RASGEF1C: variants seen among roughly 807,000 people sequenced by gnomAD.
RASGEF1C encodes the protein RasGEF domain family member 1C.
In RASGEF1C, 27 loss-of-function variants were observed where a neutral mutation model predicts 58.1. The observed-to-expected ratio is 0.46, with a 90% CI of 0.34 to 0.64. RASGEF1C has a LOEUF of 0.64. Ranked by LOEUF, RASGEF1C falls within the 30% of genes least tolerant of loss-of-function variation. RASGEF1C has a pLI of 0.01. For missense variants in RASGEF1C, 502 were observed against 605.1 expected (o/e 0.83, Z 1.79); for synonymous variants, 243 against 246.3 (o/e 0.99, Z 0.13).
At chr5:180,145,504 T>C (rs1221936881) in intron 1 of RASGEF1C, among the ~76,000 whole-genome samples, 1 of 152,244 alleles carries the variant, frequency 6.6e-6, no homozygotes, top group East Asian at 1.9e-4. Context: ...GTTTTCTGCT[T>C]TTTTGATAAT....
chr5:180,184,884 G>A (rs1756005308), intron 1 of RASGEF1C, among the ~76,000 whole-genome samples: 1 of 152,190 alleles, frequency 6.6e-6, no homozygotes, highest in Non-Finnish European at 1.5e-5. Flanking sequence ...TAATAACAGA[G>A]CTTCAGAATA....
At chr5:180,101,606 T>C (rs1765786133) in intron 13 of RASGEF1C, 81 bp from the exon 14 acceptor site, 3 of 1,549,912 alleles carry the variant, frequency 1.9e-6, no homozygotes, top group Non-Finnish European at 2.6e-6. Flanking sequence ...ACAGCCACTT[T>C]CTCAGTGCGC....
At chr5:180,102,275 C>A in intron 12 of RASGEF1C, 132 bp from the exon 13 acceptor site, 1 of 620,530 alleles carries the variant, frequency 1.6e-6, no homozygotes, top group South Asian at 2.0e-5. Flanking sequence ...CCATCCCTCC[C>A]CTAATACTGT....
In RASGEF1C at chr5:180,154,538, C is replaced by T. The variant is rs373080050; in HGVS notation, c.-6-16480G>A. 4.6e-5 allele frequency among the ~76,000 whole-genome samples: 7 copies of T among 151,648 alleles called. No individual in the cohort carries two copies. The East Asian group carries it at 1.2e-3, about 25-fold the overall frequency. On this transcript the variant is annotated intron_variant, in intron 1 of 13. Transcript: ENST00000361132. ...ACCCTCAAGGGTAAAGTGGGGTGGA[C>T]AAGTTACCAGCTGCTGACTGGTGGA...
At chr5:180,133,925 T>G (rs936748779) in intron 4 of RASGEF1C, among the ~76,000 whole-genome samples, 54 of 152,312 alleles carry the variant, frequency 3.5e-4, no homozygotes, top group Middle Eastern at 3.4e-3. Flanking sequence ...CTTCAGGGAC[T>G]CCCCGCTGCA....
At position 180,114,232 on chromosome 5, in the gene RASGEF1C, C is replaced by T. The variant is rs540976683; in HGVS notation, c.1179+214G>A. 9.9e-5 allele frequency among the ~76,000 whole-genome samples: 15 copies of T among 152,284 alleles called. No homozygotes were observed. The East Asian group carries it at 2.1e-3, about 22-fold the overall frequency. ...TGCTTCACCTGTGCTGGCCGTGCGG[C>T]GCAGCCTGGATGGACATGACCCTGA... On this transcript the variant is annotated intron_variant, in intron 11 of 13. Coordinates refer to ENST00000361132, the MANE Select transcript of RASGEF1C (RefSeq NM_175062.4).
chr5:180,182,483 C>A (rs571329857), intron 1 of RASGEF1C, among the ~76,000 whole-genome samples: 9 of 152,198 alleles, frequency 5.9e-5, no homozygotes, highest in Non-Finnish European at 1.0e-4. Context: ...CCGCTGTTGG[C>A]TGGGATGGCC....
intron 1 of RASGEF1C, among the ~76,000 whole-genome samples, chr5:180,141,611 G>A (rs1766580594): frequency 1.3e-5 from 2 of 152,254 alleles, no homozygotes; most frequent in South Asian, 2.1e-4. Flanking sequence ...TTTCTGGAGA[G>A]GGATGGAGGT....
At chr5:180,124,218 C>T (rs537029707) in intron 6 of RASGEF1C, among the ~76,000 whole-genome samples, 2 of 134,122 alleles carry the variant, frequency 1.5e-5, no homozygotes, top group Admixed American at 8.0e-5. Flanking sequence ...GGCGACAGAG[C>T]GAGACTCTGT....
intron 12 of RASGEF1C, among the ~76,000 whole-genome samples, chr5:180,109,412 T>C (rs549178968): frequency 3.3e-5 from 5 of 152,122 alleles, no homozygotes; most frequent in Admixed American, 6.5e-5. Flanking sequence ...GAGCCGAGAT[T>C]GCGCCACTGC....
At chr5:180,208,060 G>C (rs1306873197) in intron 1 of RASGEF1C, among the ~76,000 whole-genome samples, 2 of 152,190 alleles carry the variant, frequency 1.3e-5, no homozygotes, top group Non-Finnish European at 2.9e-5. Flanking sequence ...TGTGGCCAGT[G>C]AGTGGACAAC....
intron 1 of RASGEF1C, among the ~76,000 whole-genome samples, chr5:180,196,803 G>A (rs930291450): frequency 1.3e-5 from 2 of 152,082 alleles, no homozygotes; most frequent in Non-Finnish European, 2.9e-5. Context: ...TTTGAAACAG[G>A]TATTTCTCTG....
Position 180,101,374 on chromosome 5 carries a change from A to T in RASGEF1C, c.*127T>A. ...TGTGGGGGGGGGGGGGGCGGGCAGC[A>T]GGCCACAGGGTCGGCATTTGCAAAA... On this transcript the variant is annotated 3_prime_UTR_variant, in exon 14 of 14. Coordinates refer to ENST00000361132, the MANE Select transcript of RASGEF1C (RefSeq NM_175062.4). 1 of 1,010,654 alleles carries T rather than the reference A, an allele frequency of 9.9e-7. No homozygotes were observed. The highest frequency in any genetic ancestry group is 1.5e-6 in the Non-Finnish European group (1 of 686,630). 62.6% of individuals were successfully genotyped at this position (1,010,654 alleles called of 1,614,324 possible). A position where few individuals can be genotyped will look rare whatever the true frequency, so the allele number is the denominator to read the frequency against.
At position 180,198,179 on chromosome 5, in the gene RASGEF1C, A is replaced by T. The variant is rs1216854793; in HGVS notation, c.-7+10849T>A. On this transcript the variant is annotated intron_variant, in intron 1 of 13. Coordinates refer to ENST00000361132, the MANE Select transcript of RASGEF1C (RefSeq NM_175062.4). The surrounding 1 kb of genome is among the most constrained non-coding windows in gnomAD (Gnocchi z 4.5). Reference sequence around the variant, plus strand: ...GGCCCTAAGGAAACTGGAAACAGGCAGGACAAAAGCGCACCCTTCTGCAGG... The same window carrying T: ...GGCCCTAAGGAAACTGGAAACAGGCTGGACAAAAGCGCACCCTTCTGCAGG... 2.0e-5 allele frequency among the ~76,000 whole-genome samples: 3 copies of T among 152,230 alleles called. No individual in the cohort carries two copies. The highest frequency in any genetic ancestry group is 4.4e-5 in the Non-Finnish European group (3 of 68,040).
At chr5:180,102,181 TG>T in intron 12 of RASGEF1C, 38 bp from the exon 13 acceptor site, 1 of 1,256,022 alleles carries the variant, frequency 8.0e-7, no homozygotes, top group Non-Finnish European at 1.2e-6. Context: ...CAATTATGGT[TG>T]ATGATAATAA....
chr5:180,137,207 C>T lies in RASGEF1C; in HGVS notation c.300+383G>A, dbSNP rs1766497542. ...GGTCTCTCCCACTAGCGGTAGAGCC[C>T]TACCGACGCGTGTGCAATAGAGGCA... On this transcript the variant is annotated intron_variant, in intron 3 of 13. Coordinates refer to ENST00000361132, the MANE Select transcript of RASGEF1C (RefSeq NM_175062.4). This position sits in a 1 kb window ranked among gnomAD's most constrained non-coding sequence, Gnocchi z 4.1. 6.6e-6 allele frequency among the ~76,000 whole-genome samples: 1 copy of T among 152,156 alleles called. No homozygotes were observed. Among genetic ancestry groups the T allele is most frequent in the Non-Finnish European group, 1.5e-5 (1 of 68,024 alleles).
Position 180,102,145 on chromosome 5 carries a change from T to C in RASGEF1C, c.1304-2A>G. 1 of 1,547,794 alleles carries C rather than the reference T, an allele frequency of 6.5e-7. No individual in the cohort carries two copies. The highest frequency in any genetic ancestry group is 1.1e-5 in the South Asian group (1 of 89,434). On this transcript the variant is annotated splice_acceptor_variant, in intron 12 of 13. Transcript: ENST00000361132. LOFTEE classifies it high-confidence loss of function. ...TTTCGTAAGAAGCCAAATAAAGACC[T>C]AGACAGAAAATGAAGTGAAATTTCA... is the stretch of plus-strand genomic sequence containing the variant.
At chr5:180,181,241 T>C (rs1418532484) in intron 1 of RASGEF1C, among the ~76,000 whole-genome samples, 1 of 152,058 alleles carries the variant, frequency 6.6e-6, no homozygotes, top group Non-Finnish European at 1.5e-5. Flanking sequence ...CATAAAAGAC[T>C]TAAAAAATGC....
chr5:180,136,552 C>A (rs777849536), intron 3 of RASGEF1C, 37 bp from the exon 4 acceptor site: 2 of 1,546,436 alleles, frequency 1.3e-6, no homozygotes, highest in Middle Eastern at 1.8e-4. Flanking sequence ...TCGTGAGGGG[C>A]GCCGGGTGGG....
Sources: gnomAD v4.1 joint callset for allele counts (sites outside exome capture counted in the v4.1 genomes callset) on GRCh38, gnomAD v4.1.1 for gene constraint, Gnocchi (gnomAD v3.1) non-coding constraint, MANE v1.5 for transcripts, NCBI Gene and HGNC (gene_info 2026-07-23, HGNC 2026-07-21) for gene names.